CD8B2: variants seen among roughly 807,000 people sequenced by gnomAD.
CD8B2 encodes CD8B family member 2.
A neutral mutation model predicts 23.7 loss-of-function variants in CD8B2; 11 were observed. The observed-to-expected ratio is 0.46, with a 90% confidence interval of 0.29 to 0.77. The LOEUF (loss-of-function observed/expected upper bound fraction) is 0.77. Among genes scored for constraint, CD8B2 ranks in the 30% least tolerant of loss-of-function variants. The pLI, the probability that CD8B2 is intolerant of heterozygous loss-of-function variation, is 0.09. For missense variants in CD8B2, 197 were observed against 270.5 expected (o/e 0.73, Z 1.91); for synonymous variants, 90 against 109.3 (o/e 0.82, Z 1.10).
chr2:106,535,248 G>T (rs1680068497), intron 5 of CD8B2: 1 of 152,128 alleles, frequency 6.6e-6, no homozygotes, highest in Non-Finnish European at 1.5e-5. Flanking sequence ...CAGTCGTTTG[G>T]GGGCATGTCA....
intron 5 of CD8B2, among the ~76,000 whole-genome samples, chr2:106,536,008 GAA>G (rs1652171243): frequency 6.6e-6 from 1 of 150,612 alleles, no homozygotes; most frequent in Admixed American, 6.6e-5. Flanking sequence ...GCAAGAGAGA[GAA>G]GAGGCAGGTG....
intron 5 of CD8B2, among the ~76,000 whole-genome samples, chr2:106,526,111 A>T (rs1178956067): frequency 6.6e-6 from 1 of 152,086 alleles, no homozygotes; most frequent in Non-Finnish European, 1.5e-5. Context: ...GTGTGGCGGC[A>T]TGCATCCGTA....
intron 5 of CD8B2, among the ~76,000 whole-genome samples, chr2:106,524,843 G>T (rs539206824): frequency 1.1e-4 from 16 of 152,110 alleles, no homozygotes; most frequent in Non-Finnish European, 2.1e-4. Flanking sequence ...CTGGAAAACT[G>T]GGTGCCTCTG....
At chr2:106,520,819 G>A (rs1287718266) in intron 5 of CD8B2, among the ~76,000 whole-genome samples, 1 of 151,988 alleles carries the variant, frequency 6.6e-6, no homozygotes, top group Non-Finnish European at 1.5e-5. Flanking sequence ...GCAGTGAGCC[G>A]AGATCATGCC....
At chr2:106,498,804 G>T (rs1454833309) in intron 3 of CD8B2, among the ~76,000 whole-genome samples, 1 of 152,176 alleles carries the variant, frequency 6.6e-6, no homozygotes, top group Admixed American at 6.5e-5. Context: ...AGCTTGTGGG[G>T]CGTCCACACA....
chr2:106,518,610 AAATT>A (rs1679772753), intron 5 of CD8B2, among the ~76,000 whole-genome samples: 1 of 152,208 alleles, frequency 6.6e-6, no homozygotes, highest in African/African-American at 2.4e-5. Flanking sequence ...TGAGAAGTTA[AAATT>A]AATTAATTCA....
At chr2:106,490,717 C>T (rs1679177844) in intron 1 of CD8B2, among the ~76,000 whole-genome samples, 157 bp from the exon 2 acceptor site, 1 of 152,238 alleles carries the variant, frequency 6.6e-6, no homozygotes, top group Non-Finnish European at 1.5e-5. Context: ...AACTCTGAGT[C>T]CAGGAGCCAA....
chr2:106,529,698 G>A (rs1679966099), intron 5 of CD8B2, among the ~76,000 whole-genome samples: 1 of 152,182 alleles, frequency 6.6e-6, no homozygotes, highest in Admixed American at 6.5e-5. Context: ...TTGCCACAAG[G>A]GACATGTCAG....
downstream of CD8B2, among the ~76,000 whole-genome samples, chr2:106,513,775 C>T (rs1321759614): frequency 6.6e-6 from 1 of 152,128 alleles, no homozygotes; most frequent in Non-Finnish European, 1.5e-5. Context: ...GGGAGAGCAA[C>T]AGTAAACGTG....
intron 3 of CD8B2, among the ~76,000 whole-genome samples, chr2:106,500,712 C>G (rs1189413470): frequency 6.6e-6 from 1 of 152,102 alleles, no homozygotes; most frequent in Non-Finnish European, 1.5e-5. Context: ...AAATCTGCAG[C>G]CTTGCCCTTT....
intron 5 of CD8B2, among the ~76,000 whole-genome samples, chr2:106,519,921 G>T (rs1017079193): frequency 1.3e-5 from 2 of 152,180 alleles, no homozygotes; most frequent in African/African-American, 4.8e-5. Context: ...GACATATTTT[G>T]TGTACCATTC....
chr2:106,491,018 G>A lies in CD8B2; in HGVS notation c.188G>A (p.Ser63Asn). Reference sequence around the variant, plus strand: ...CTGAGACAGCGCCAGGCCCCGAGCAGTGATAGTCACCACGAGTTCCTGACC... The same window carrying A: ...CTGAGACAGCGCCAGGCCCCGAGCAATGATAGTCACCACGAGTTCCTGACC... ...YWLRQRQAPS[S>N]DSHHEFLTLW... Residue 63 changes from serine to asparagine, a missense_variant, in exon 2 of 6, where the codon AGT becomes AAT. Coordinates refer to ENST00000643224, the MANE Select transcript of CD8B2 (RefSeq NM_001349727.2). 2.5e-6 allele frequency: 4 copies of A among 1,613,998 alleles called. No homozygotes were observed. Among genetic ancestry groups the A allele is most frequent in the Non-Finnish European group, 3.4e-6 (4 of 1,179,854 alleles).
chr2:106,497,497 C>T (rs1207476725), intron 3 of CD8B2, among the ~76,000 whole-genome samples: 1 of 152,146 alleles, frequency 6.6e-6, no homozygotes, highest in Non-Finnish European at 1.5e-5. Context: ...AAATACTGAC[C>T]TCAGCCCAGC....
chr2:106,533,477 T>C (rs995664044), intron 5 of CD8B2, among the ~76,000 whole-genome samples: 5 of 152,166 alleles, frequency 3.3e-5, no homozygotes, highest in African/African-American at 1.2e-4. Flanking sequence ...TGTGAAATCC[T>C]ATGCCTCAGA....
At chr2:106,513,850 G>A (rs922245471), downstream of CD8B2, among the ~76,000 whole-genome samples, 46 of 152,308 alleles carry the variant, frequency 3.0e-4, no homozygotes, top group African/African-American at 1.1e-3. Context: ...GGCAGAAGAT[G>A]GAGTTTGGGT....
chr2:106,518,011 GC>G (rs2104566953), intron 5 of CD8B2, among the ~76,000 whole-genome samples: 1 of 152,324 alleles, frequency 6.6e-6, no homozygotes, highest in Non-Finnish European at 1.5e-5. Context: ...ACCGCGCCCA[GC>G]CTGTTTATAG....
intron 5 of CD8B2, among the ~76,000 whole-genome samples, chr2:106,528,943 C>T (rs1303462661): frequency 6.6e-6 from 1 of 152,140 alleles, no homozygotes; most frequent in Non-Finnish European, 1.5e-5. Context: ...GGTGTAATTT[C>T]CCGTTTTCTC....
chr2:106,504,073 C>T (rs1463562335), intron 4 of CD8B2, among the ~76,000 whole-genome samples: 36 of 152,132 alleles, frequency 2.4e-4, no homozygotes, highest in Non-Finnish European at 5.1e-4. Flanking sequence ...TCTCAGTTTC[C>T]CACATATAAA....
chr2:106,541,608 G>A (rs1026776341), intron 5 of CD8B2, among the ~76,000 whole-genome samples: 1 of 152,134 alleles, frequency 6.6e-6, no homozygotes, highest in East Asian at 1.9e-4. Flanking sequence ...CGTAAGATGC[G>A]ACCTGTTAGT....
Sources: gnomAD v4.1 joint callset for allele counts (sites outside exome capture counted in the v4.1 genomes callset) on GRCh38, gnomAD v4.1.1 for gene constraint, MANE v1.5 for transcripts, NCBI Gene and HGNC (gene_info 2026-07-23, HGNC 2026-07-21) for gene names.